The following ZNF502 variants were observed in gnomAD, a reference collection of about 807,000 sequenced individuals.
ZNF502 encodes zinc finger protein 502.
In ZNF502, 29 loss-of-function variants were observed where a neutral mutation model predicts 43.6. The ratio of observed to expected loss-of-function variants is 0.67; its 90% CI spans 0.50 to 0.91. The LOEUF is 0.91. Ranked by LOEUF, ZNF502 falls within the 40% of genes least tolerant of loss-of-function variation. The pLI, the probability that ZNF502 is intolerant of heterozygous loss-of-function variation, is 0.00. For missense variants in ZNF502, 591 were observed against 647.2 expected (o/e 0.91, Z 0.94); for synonymous variants, 171 against 207.4 (o/e 0.82, Z 1.51).
Position 44,721,957 on chromosome 3 carries a change from G to A in ZNF502, c.1140G>A (p.Lys380=), listed in dbSNP as rs779511268. The change falls in exon 3 of 3, where the codon AAG becomes AAA. Residue 380 remains lysine (K), a synonymous_variant. Coordinates refer to ENST00000436624, the MANE Select transcript of ZNF502 (RefSeq NM_001134442.3). ...QRIHTGEKPY[K]CKECGKAFTQ... ...TTCATACTGGAGAAAAACCATATAA[G>A]TGTAAAGAATGTGGCAAAGCGTTTA... 2 of 1,613,914 alleles carry A rather than the reference G, an allele frequency of 1.2e-6. No homozygotes were observed. Among genetic ancestry groups the A allele is most frequent in the South Asian group, 1.1e-5 (1 of 91,050 alleles).
chr3:44,715,743 G>T (rs1389175291), intron 1 of ZNF502, among the ~76,000 whole-genome samples: 1 of 152,136 alleles, frequency 6.6e-6, no homozygotes, highest in African/African-American at 2.4e-5. Flanking sequence ...ATCTCACTCT[G>T]TCACCCAGGT....
chr3:44,720,132 C>G (rs1484529384), intron 1 of ZNF502, 71 bp from the exon 2 acceptor site: 8 of 958,924 alleles, frequency 8.3e-6, no homozygotes, highest in Non-Finnish European at 1.3e-5. Context: ...GGCAACAGCT[C>G]TTTGTTTTCG....
intron 1 of ZNF502, among the ~76,000 whole-genome samples, chr3:44,713,309 C>T (rs1250597879): frequency 6.6e-6 from 1 of 152,152 alleles, no homozygotes; most frequent in Non-Finnish European, 1.5e-5. Context: ...ACCTTAATGC[C>T]TCCCAATGAA....
In ZNF502 at chr3:44,722,127, G is replaced by T; in HGVS notation, c.1310G>T (p.Cys437Phe). 1 of 1,614,174 alleles carries T rather than the reference G, an allele frequency of 6.2e-7. No individual in the cohort carries two copies. Among genetic ancestry groups the T allele is most frequent in the Non-Finnish European group, 8.5e-7 (1 of 1,180,038 alleles). ...CACACTGGAGAAAAACCCTATAAATGCAATGAATGTGGAAAGGGCTTTAAT... is the reference window on the plus strand; with the variant it reads ...CACACTGGAGAAAAACCCTATAAATTCAATGAATGTGGAAAGGGCTTTAAT... ...RSHTGEKPYKCNECGKGFNQN... is the reference protein window; with the variant it reads ...RSHTGEKPYKFNECGKGFNQN... The change falls in exon 3 of 3, where the codon TGC becomes TTC. Residue 437 changes from cysteine to phenylalanine, a missense_variant. By Grantham distance (205) the Cys-to-Phe change is radical (BLOSUM62 -2). Transcript: ENST00000436624.
chr3:44,722,167 C>G lies in ZNF502; in HGVS notation c.1350C>G (p.Leu450=), dbSNP rs1704372694. Residue 450 remains leucine, a synonymous_variant, in exon 3 of 3, where the codon CTC becomes CTG. Transcript: ENST00000436624. ...AGGGCTTTAATCAGAACACCTGCCT[C>G]ACTCAGCATATGAGAATTCATACTG... ...CGKGFNQNTC[L]TQHMRIHTGE... 6.2e-7 allele frequency: 1 copy of G among 1,614,044 alleles called. No homozygotes were observed. The highest frequency in any genetic ancestry group is 1.3e-5 in the African/African-American group (1 of 74,918).
intron 1 of ZNF502, among the ~76,000 whole-genome samples, chr3:44,719,998 A>AGCTTCTTGAACAG (rs1704263044): frequency 6.6e-6 from 1 of 152,222 alleles, no homozygotes; most frequent in Non-Finnish European, 1.5e-5. Context: ...TGATGTTACC[A>AGCTTCTTGAACAG]CTTCTTGAAC....
At chr3:44,713,030 C>T (rs189966467) in intron 1 of ZNF502, among the ~76,000 whole-genome samples, 66 of 152,338 alleles carry the variant, frequency 4.3e-4, no homozygotes, top group African/African-American at 1.3e-3. Context: ...GATAGATGAT[C>T]AAGACAGACC....
At position 44,723,231 on chromosome 3, in the gene ZNF502, C is replaced by CT. The variant is rs1207822494; in HGVS notation, c.*780dup. ...TCAGAGAACCAGGAAGACTCAATAT[C>CT]TATCTCAGAGGAAATATGGTTACCC... On this transcript the variant is annotated 3_prime_UTR_variant, in exon 3 of 3. Coordinates refer to ENST00000436624, the MANE Select transcript of ZNF502 (RefSeq NM_001134442.3). 2 of 152,168 alleles carry CT rather than the reference C, an allele frequency of 1.3e-5. No homozygotes were observed. Among genetic ancestry groups the CT allele is most frequent in the Non-Finnish European group, 2.9e-5 (2 of 68,042 alleles). The allele number at this position is 152,168 out of a possible 1,614,324, so 9.4% of individuals were successfully genotyped here.
intron 1 of ZNF502, among the ~76,000 whole-genome samples, chr3:44,714,870 A>G (rs1282369434): frequency 6.6e-6 from 1 of 152,224 alleles, no homozygotes; most frequent in Non-Finnish European, 1.5e-5. Flanking sequence ...CCTGTCATGT[A>G]GGCCCACTCA....
intron 1 of ZNF502, among the ~76,000 whole-genome samples, chr3:44,716,044 AC>A (rs1215777964): frequency 6.6e-6 from 1 of 152,162 alleles, no homozygotes; most frequent in East Asian, 1.9e-4. Flanking sequence ...CTCAGTGTCC[AC>A]CAGTAGAAAA....
intron 1 of ZNF502, among the ~76,000 whole-genome samples, chr3:44,713,612 C>T (rs1704076035): frequency 6.6e-6 from 1 of 151,374 alleles, no homozygotes; most frequent in Non-Finnish European, 1.5e-5. Context: ...CGGGATTTCA[C>T]TCTTGTTGCC....
At chr3:44,718,818 T>C (rs1704217998) in intron 1 of ZNF502, among the ~76,000 whole-genome samples, 1 of 152,182 alleles carries the variant, frequency 6.6e-6, no homozygotes, top group African/African-American at 2.4e-5. Context: ...GGTGTCTGGC[T>C]TCTTTTTCCA....
Position 44,721,429 on chromosome 3 carries a change from T to C in ZNF502, c.612T>C (p.Ile204=), listed in dbSNP as rs1405556433. ...RSSFLVQHQR[I]HTGVKPYGCE... The stretch of plus-strand genomic sequence containing the variant: ...CATTCCTTGTTCAACATCAAAGAAT[T>C]CACACTGGAGTGAAACCATATGGAT... The change falls in exon 3 of 3, where the codon ATT becomes ATC. Residue 204 remains isoleucine (I), a synonymous_variant. Coordinates refer to ENST00000436624, the MANE Select transcript of ZNF502 (RefSeq NM_001134442.3). 8 of 1,614,076 alleles carry C rather than the reference T, an allele frequency of 5.0e-6. No homozygotes were observed. In the Admixed American group the frequency reaches 6.7e-5, roughly 13 times the overall value.
intron 1 of ZNF502, among the ~76,000 whole-genome samples, chr3:44,715,275 CATATT>C (rs1190216286): frequency 2.8e-4 from 42 of 152,122 alleles, no homozygotes; most frequent in Admixed American, 7.2e-4. Context: ...CCTGTTTTAA[CATATT>C]ATATTTTCTC....
chr3:44,722,037 A>G lies in ZNF502; in HGVS notation c.1220A>G (p.Tyr407Cys). 6.2e-7 allele frequency: 1 copy of G among 1,614,234 alleles called. No homozygotes were observed. Among genetic ancestry groups the G allele is most frequent in the Non-Finnish European group, 8.5e-7 (1 of 1,180,030 alleles). Residue 407 changes from tyrosine to cysteine, a missense_variant, in exon 3 of 3, where the codon TAC (tyrosine) becomes TGC (cysteine). Physicochemically the swap from Tyr to Cys is radical, Grantham distance 194. Coordinates refer to ENST00000436624, the MANE Select transcript of ZNF502 (RefSeq NM_001134442.3). ...HQRIHTGERP[Y>C]KCSECGKAFI... Reference sequence around the variant, plus strand: ...AGAATACATACAGGGGAGAGACCCTACAAATGCAGTGAATGTGGTAAAGCC... The same window carrying G: ...AGAATACATACAGGGGAGAGACCCTGCAAATGCAGTGAATGTGGTAAAGCC...
Position 44,720,273 on chromosome 3 carries a change from G to A in ZNF502, c.12G>A (p.Met4Ile). Reference protein sequence around the residue: MLNMQGAEERDIRR... With the variant: MLNIQGAEERDIRR... The stretch of plus-strand genomic sequence containing the variant: ...GAGACGATCTGTGGATGTTGAATAT[G>A]CAAGGAGCTGAAGAGAGAGACATTA... Residue 4 changes from methionine (M) to isoleucine (I), a missense_variant, in exon 2 of 3, where the codon ATG becomes ATA. By Grantham distance (10) the Met-to-Ile change is conservative. Transcript: ENST00000436624. The A allele has an allele frequency of 1.9e-6, 3 of 1,614,154 alleles. No homozygotes were observed. The highest frequency in any genetic ancestry group is 2.5e-6 in the Non-Finnish European group (3 of 1,180,008).
At chr3:44,719,974 A>G (rs1382538951) in intron 1 of ZNF502, among the ~76,000 whole-genome samples, 2 of 152,210 alleles carry the variant, frequency 1.3e-5, no homozygotes, top group Non-Finnish European at 2.9e-5. Context: ...TAAATATTTG[A>G]TAGTATGTTA....
Position 44,722,318 on chromosome 3 carries a change from C to A in ZNF502, c.1501C>A (p.Arg501Ser). 4 of 1,614,022 alleles carry A rather than the reference C, an allele frequency of 2.5e-6. No homozygotes were observed. The highest frequency in any genetic ancestry group is 3.4e-6 in the Non-Finnish European group (4 of 1,179,972). Residue 501 changes from arginine (R) to serine (S), a missense_variant, in exon 3 of 3, where the codon CGC becomes AGC. Coordinates refer to ENST00000436624, the MANE Select transcript of ZNF502 (RefSeq NM_001134442.3). ...ATGTAGTGAGTGTGAGAAAACCTTC[C>A]GCAAGTATGCACACCTTAGTGAACA... is the stretch of plus-strand genomic sequence containing the variant. The part of the protein sequence containing the change: ...YKCSECEKTF[R>S]KYAHLSEHYR...
chr3:44,720,102 G>GT, intron 1 of ZNF502, 101 bp from the exon 2 acceptor site: 1 of 735,936 alleles, frequency 1.4e-6, no homozygotes, highest in South Asian at 1.5e-5. Context: ...TATTGTGTGT[G>GT]TTATTAGATA....
Sources: allele counts gnomAD v4.1 joint callset (sites outside exome capture counted in the v4.1 genomes callset), GRCh38; gene constraint gnomAD v4.1.1; transcripts MANE v1.5; gene names NCBI Gene and HGNC (gene_info 2026-07-23, HGNC 2026-07-21).